The following DENND2B variants were observed in gnomAD, a reference collection of about 807,000 sequenced individuals.
DENND2B encodes the protein DENN domain containing 2B.
DENND2B carries 32 observed loss-of-function variants against 116.0 expected under a neutral mutation model. That is an observed-to-expected ratio of 0.28 (90% confidence interval 0.21 to 0.37). The LOEUF (loss-of-function observed/expected upper bound fraction) is 0.37. Among genes scored for constraint, DENND2B ranks in the 10% least tolerant of loss-of-function variants. The pLI, the probability that DENND2B is intolerant of heterozygous loss-of-function variation, is 1.00. For missense variants in DENND2B, 1,276 were observed against 1,477.7 expected (o/e 0.86, Z 2.24); for synonymous variants, 588 against 583.9 (o/e 1.01, Z -0.10).
Position 8,711,238 on chromosome 11 carries a change from G to T in DENND2B, c.2173-7C>A, listed in dbSNP as rs1162347788. 1 of 1,613,278 alleles carries T rather than the reference G, an allele frequency of 6.2e-7. No homozygotes were observed. The highest frequency in any genetic ancestry group is 2.2e-5 in the East Asian group (1 of 44,846). On this transcript the variant is annotated splice_polypyrimidine_tract_variant and splice_region_variant and intron_variant, in intron 9 of 19. Transcript: ENST00000313726. Reference sequence around the variant, plus strand: ...GCTTGGTGGGTCGGTCCAGCTGCAGGGAAGAAGGAACCAGGAGATGACATG... The same window carrying T: ...GCTTGGTGGGTCGGTCCAGCTGCAGTGAAGAAGGAACCAGGAGATGACATG...
At chr11:8,777,944 G>A (rs2057923594) in intron 1 of DENND2B, among the ~76,000 whole-genome samples, 1 of 152,156 alleles carries the variant, frequency 6.6e-6, no homozygotes, top group Admixed American at 6.5e-5. Flanking sequence ...CTCCTACTAA[G>A]ACCATCTTTT....
chr11:8,869,146 T>C (rs2063686972), intron 2 of DENND2B, among the ~76,000 whole-genome samples: 1 of 152,184 alleles, frequency 6.6e-6, no homozygotes, highest in African/African-American at 2.4e-5. Flanking sequence ...ATGTCACTTC[T>C]CTTTCCCCAA....
At chr11:8,745,396 G>A (rs2051053285) in intron 2 of DENND2B, among the ~76,000 whole-genome samples, 1 of 152,162 alleles carries the variant, frequency 6.6e-6, no homozygotes, top group East Asian at 1.9e-4. Context: ...CATTGTAATA[G>A]ACTTCAAGCT....
chr11:8,726,235 T>C (rs1346518647), intron 3 of DENND2B, 26 bp from the exon 4 acceptor site: 1 of 1,589,510 alleles, frequency 6.3e-7, no homozygotes, highest in East Asian at 2.2e-5. Flanking sequence ...GCAAGAGTCA[T>C]TCCTGCTGAA....
chr11:8,719,761 C>A (rs750470057), intron 4 of DENND2B, among the ~76,000 whole-genome samples: 3 of 152,182 alleles, frequency 2.0e-5, no homozygotes, highest in Non-Finnish European at 2.9e-5. Flanking sequence ...GTCTTCTGAT[C>A]CCCTAAAACA....
chr11:8,884,866 G>T (rs1380142742), intron 1 of DENND2B, among the ~76,000 whole-genome samples: 3 of 152,206 alleles, frequency 2.0e-5, no homozygotes, highest in Non-Finnish European at 4.4e-5. Context: ...ATATCAGTGT[G>T]TTAAAGCCAG....
intron 2 of DENND2B, among the ~76,000 whole-genome samples, chr11:8,878,762 C>A (rs1410827990): frequency 1.3e-5 from 2 of 152,102 alleles, no homozygotes; most frequent in Non-Finnish European, 2.9e-5. Flanking sequence ...CTGATACATG[C>A]AATGTGAGTG....
intron 18 of DENND2B, chr11:8,696,137 C>T: frequency 2.2e-6 from 1 of 444,564 alleles, no homozygotes; most frequent in Admixed American, 3.9e-5. Flanking sequence ...GATAGAAGGG[C>T]TTTCTCCTAT....
chr11:8,819,013 C>A, intron 4 of DENND2B, among the ~76,000 whole-genome samples: 1 of 152,166 alleles, frequency 6.6e-6, no homozygotes, highest in Non-Finnish European at 1.5e-5. Flanking sequence ...CAGCTACTAA[C>A]CTCATTATTA....
intron 11 of DENND2B, among the ~76,000 whole-genome samples, chr11:8,709,810 T>G (rs1438432011): frequency 6.6e-6 from 1 of 152,206 alleles, no homozygotes; most frequent in Non-Finnish European, 1.5e-5. Context: ...ACTTGAAGCA[T>G]CTAGCTTGGA....
chr11:8,715,848 G>A, intron 5 of DENND2B, 30 bp from the exon 6 acceptor site: 3 of 1,564,424 alleles, frequency 1.9e-6, no homozygotes, highest in Non-Finnish European at 1.7e-6. Flanking sequence ...GTGCGAGAGG[G>A]GCTTGCCACA....
intron 1 of DENND2B, chr11:8,909,611 A>G (rs1282628711): frequency 6.6e-6 from 1 of 152,210 alleles, no homozygotes; most frequent in African/African-American, 2.4e-5. Flanking sequence ...TGGAATACCA[A>G]TAAAATGAAA....
At chr11:8,818,860 GACCATTTGATGCTTA>G (rs1403104750) in intron 4 of DENND2B, among the ~76,000 whole-genome samples, 1 of 152,132 alleles carries the variant, frequency 6.6e-6, no homozygotes, top group African/African-American at 2.4e-5. Context: ...ACAGAACCTA[GACCATTTGATGCTTA>G]ACACCTCACA....
At chr11:8,700,158 G>T (rs2041280350) in intron 14 of DENND2B, 2 of 370,466 alleles carry the variant, frequency 5.4e-6, no homozygotes, top group Admixed American at 6.8e-5. Context: ...CTCTCTTAGG[G>T]GCCACTAAGG....
chr11:8,782,450 T>C (rs922599681), intron 1 of DENND2B, among the ~76,000 whole-genome samples: 5 of 152,200 alleles, frequency 3.3e-5, no homozygotes, highest in African/African-American at 1.2e-4. Flanking sequence ...CATGAGTACA[T>C]ATTTGTCAAA....
intron 3 of DENND2B, among the ~76,000 whole-genome samples, chr11:8,839,547 T>G (rs1036579093): frequency 6.6e-6 from 1 of 152,172 alleles, no homozygotes; most frequent in Non-Finnish European, 1.5e-5. Context: ...TTTCTACCCA[T>G]GCTCAGGGCA....
rs146752028 is a variant in DENND2B at position 8,771,566 on chromosome 11, A to AGAGAGAGAGAGAGAGAGGGC, written c.-25-20842_-25-20841insGCCCTCTCTCTCTCTCTCTC. 207 of 120,356 alleles carry AGAGAGAGAGAGAGAGAGGGC rather than the reference A, an allele frequency of 1.7e-3. 4 individuals are homozygous for AGAGAGAGAGAGAGAGAGGGC. Among genetic ancestry groups the AGAGAGAGAGAGAGAGAGGGC allele is most frequent in the Non-Finnish European group, 1.4e-3 (79 of 55,848 alleles). The allele number at this position is 120,356 out of a possible 1,614,324, so 7.5% of individuals were successfully genotyped here. On this transcript the variant is annotated intron_variant, in intron 1 of 19. Coordinates refer to ENST00000313726, the MANE Select transcript of DENND2B (RefSeq NM_213618.2). ...GAGAGAGAGAGAGAGAGAGAGAGAG[A>AGAGAGAGAGAGAGAGAGGGC]GCCTTCTTCCCAGTTCTGGGCACAG...
intron 4 of DENND2B, among the ~76,000 whole-genome samples, chr11:8,724,295 C>CAAAAAAAAA (rs879914640): frequency 7.9e-6 from 1 of 126,964 alleles, no homozygotes. Context: ...GACTCCGTCT[C>CAAAAAAAAA]AAAAAAAAAA....
chr11:8,787,117 T>C (rs1009600523), intron 1 of DENND2B: 1 of 152,194 alleles, frequency 6.6e-6, no homozygotes, highest in Non-Finnish European at 1.5e-5. Flanking sequence ...CCAGGACTGA[T>C]TTCAAAATTC....
Sources: gnomAD v4.1 joint callset for allele counts (sites outside exome capture counted in the v4.1 genomes callset) on GRCh38, gnomAD v4.1.1 for gene constraint, MANE v1.5 for transcripts, NCBI Gene and HGNC (gene_info 2026-07-23, HGNC 2026-07-21) for gene names.